NEDD4: variants seen among roughly 807,000 people sequenced by gnomAD.
NEDD4 encodes the protein NEDD4 E3 ubiquitin protein ligase.
Under a neutral mutation model 144.9 loss-of-function variants are expected in NEDD4, and 99 were observed. That is an observed-to-expected ratio of 0.68 (90% CI 0.58 to 0.81). The LOEUF is 0.81. Among genes scored for constraint, NEDD4 ranks in the 30% least tolerant of loss-of-function variants. NEDD4 has a pLI of 0.00. For synonymous variants in NEDD4, 318 were observed against 350.6 expected (o/e 0.91, Z 1.04); for missense variants, 985 against 1,065.9 (o/e 0.92, Z 1.06).
intron 8 of NEDD4, among the ~76,000 whole-genome samples, chr15:55,868,779 T>C (rs2142055117): frequency 6.6e-6 from 1 of 152,318 alleles, no homozygotes; most frequent in Non-Finnish European, 1.5e-5. Context: ...GATAATGTGC[T>C]TTCAAAGGGA....
Position 55,834,312 on chromosome 15 carries a change from T to C in NEDD4, c.2263-26A>G, listed in dbSNP as rs1294417702. On this transcript the variant is annotated intron_variant, in intron 24 of 28. Transcript: ENST00000435532. ...CTAGAAAAAAGATGTATTTAAAAACTTGATGGGCAGGGCCAATGGCCTTTC... is the reference window on the plus strand; with the variant it reads ...CTAGAAAAAAGATGTATTTAAAAACCTGATGGGCAGGGCCAATGGCCTTTC... 5 of 1,507,184 alleles carry C rather than the reference T, an allele frequency of 3.3e-6. No individual in the cohort carries two copies. In the South Asian group the frequency reaches 5.7e-5, roughly 17 times the overall value. 93.4% of individuals were successfully genotyped at this position (1,507,184 alleles called of 1,614,324 possible). A position where few individuals can be genotyped will look rare whatever the true frequency, so the allele number is the denominator to read the frequency against.
chr15:55,911,674 C>G lies in NEDD4; in HGVS notation c.291+12972G>C, dbSNP rs1027005237. ...CCTCCCGTGTAGCTGGGACTACAGG[C>G]GCGCGCCACCATGCCCGGCTAATTT... On this transcript the variant is annotated intron_variant, in intron 5 of 28. Transcript: ENST00000435532. Among the ~76,000 whole-genome samples, 2 of 152,040 alleles carry G rather than the reference C, an allele frequency of 1.3e-5. 1 individual carries two copies. Among genetic ancestry groups the G allele is most frequent in the African/African-American group, 4.8e-5 (2 of 41,492 alleles).
intron 26 of NEDD4, 86 bp from the exon 27 acceptor site, chr15:55,833,190 G>C: frequency 1.2e-6 from 1 of 834,248 alleles, no homozygotes. Flanking sequence ...TCGGAATTTA[G>C]AATATTAATA....
At chr15:55,926,488 G>A (rs764326630) in intron 4 of NEDD4, among the ~76,000 whole-genome samples, 2 of 152,124 alleles carry the variant, frequency 1.3e-5, no homozygotes, top group Admixed American at 6.5e-5. Context: ...GTGTTAAGAC[G>A]GCCGGATGTG....
In NEDD4 at chr15:55,856,269, T is replaced by C. The variant is rs181582256; in HGVS notation, c.961-73A>G. On this transcript the variant is annotated intron_variant, in intron 11 of 28. Transcript: ENST00000435532. ...TGCCTTTGAGTGACAGCTAAGGTAG[T>C]GAGGGTAAATATGACAGGGCAGAAG... 325 of 1,302,452 alleles carry C rather than the reference T, an allele frequency of 2.5e-4. 1 individual carries two copies. In the East Asian group the frequency reaches 7.1e-3, roughly 28 times the overall value. The allele number at this position is 1,302,452 out of a possible 1,614,324, so 80.7% of individuals were successfully genotyped here. A position where few individuals can be genotyped will look rare whatever the true frequency, so the allele number is the denominator to read the frequency against.
At chr15:55,917,526 CAATGAATTAAAACTTTA>C (rs1566951331) in intron 5 of NEDD4, among the ~76,000 whole-genome samples, 8 of 151,474 alleles carry the variant, frequency 5.3e-5, no homozygotes, top group African/African-American at 1.9e-4. Context: ...CAAAACTTTA[CAATGAATTAAAACTTTA>C]GCACTACATC....
At chr15:55,838,754 ATGTG>A in intron 21 of NEDD4, 150 bp from the exon 22 acceptor site, 1 of 541,524 alleles carries the variant, frequency 1.8e-6, no homozygotes, top group Non-Finnish European at 3.2e-6. Context: ...ACAAAAATGT[ATGTG>A]TGTATGTGTG....
Position 55,951,521 on chromosome 15 carries a change from GT to G in NEDD4, c.187del (p.Thr63ProfsTer6). ...NGVLTSVQTK[T>X]IKKSLNPKWN... ...ATTGCTAAGTCTAACCTTTTTAATG[GT>G]TTTTGTTTGCACACTTGTAAGAACT... is the stretch of plus-strand genomic sequence containing the variant. On this transcript the variant is annotated frameshift_variant, in exon 3 of 29. Coordinates refer to ENST00000435532, the MANE Select transcript of NEDD4 (RefSeq NM_006154.4). LOFTEE classifies it high-confidence loss of function. 2 of 1,526,980 alleles carry G rather than the reference GT, an allele frequency of 1.3e-6. No homozygotes were observed. The highest frequency in any genetic ancestry group is 1.3e-5 in the South Asian group (1 of 77,496). The allele number at this position is 1,526,980 out of a possible 1,614,324, so 94.6% of individuals were successfully genotyped here. A position where few individuals can be genotyped will look rare whatever the true frequency, so the allele number is the denominator to read the frequency against.
chr15:55,944,073 G>T (rs1405295264), intron 4 of NEDD4, among the ~76,000 whole-genome samples: 1 of 152,198 alleles, frequency 6.6e-6, no homozygotes, highest in Non-Finnish European at 1.5e-5. Flanking sequence ...TATGATTGAC[G>T]CAGAAGACGG....
intron 11 of NEDD4, among the ~76,000 whole-genome samples, chr15:55,859,089 T>C (rs1372132615): frequency 6.6e-6 from 1 of 152,222 alleles, no homozygotes; most frequent in African/African-American, 2.4e-5. Context: ...GTACTCTGCA[T>C]ATATGTGATC....
chr15:55,951,714 T>A (rs2037244461), intron 2 of NEDD4, 125 bp from the exon 3 acceptor site: 1 of 736,248 alleles, frequency 1.4e-6, no homozygotes, highest in Non-Finnish European at 2.0e-6. Flanking sequence ...TTCCTGAATT[T>A]AAAAGTCAGG....
intron 5 of NEDD4, among the ~76,000 whole-genome samples, chr15:55,911,272 T>C (rs1307579691): frequency 2.0e-5 from 3 of 152,094 alleles, no homozygotes; most frequent in Admixed American, 6.6e-5. Context: ...TTAAATATCC[T>C]ACAGTGCACA....
At position 55,836,331 on chromosome 15, in the gene NEDD4, G is replaced by GACAC. The variant is rs10526731; in HGVS notation, c.2262+1454_2262+1457dup. 7.2e-3 allele frequency among the ~76,000 whole-genome samples: 1,073 copies of GACAC among 148,034 alleles called. 10 individuals are homozygous for GACAC. Among genetic ancestry groups the GACAC allele is most frequent in the East Asian group, 0.017 (85 of 4,950 alleles). Reference sequence around the variant, plus strand: ...ATACTGAATTTATGAAAAAGTATGTGACACACACACACACACACACACACA... The same window carrying GACAC: ...ATACTGAATTTATGAAAAAGTATGTGACACACACACACACACACACACACACACA... On this transcript the variant is annotated intron_variant, in intron 24 of 28. Transcript: ENST00000435532.
intron 13 of NEDD4, among the ~76,000 whole-genome samples, chr15:55,852,077 C>A (rs2034004027): frequency 1.3e-5 from 2 of 151,952 alleles, no homozygotes; most frequent in Non-Finnish European, 2.9e-5. Context: ...GGGTGGATCA[C>A]CTGAGGTCAG....
intron 1 of NEDD4, among the ~76,000 whole-genome samples, chr15:55,970,816 T>C (rs1483433377): frequency 6.6e-6 from 1 of 152,202 alleles, no homozygotes; most frequent in Non-Finnish European, 1.5e-5. Flanking sequence ...TCAAGAAGGA[T>C]GGGTACAAAC....
At chr15:55,937,870 A>T (rs535788980) in intron 4 of NEDD4, among the ~76,000 whole-genome samples, 8 of 152,226 alleles carry the variant, frequency 5.3e-5, no homozygotes, top group Non-Finnish European at 1.2e-4. Context: ...CTTGAGAAAG[A>T]AGAACAAAGC....
At chr15:55,993,198 T>C (rs2038015722) in intron 1 of NEDD4, among the ~76,000 whole-genome samples, 1 of 152,104 alleles carries the variant, frequency 6.6e-6, no homozygotes, top group South Asian at 2.1e-4. Context: ...GGCGCGGTGA[T>C]GTGGGTCCCC....
intron 5 of NEDD4, among the ~76,000 whole-genome samples, chr15:55,875,921 C>G (rs780473336): frequency 7.9e-5 from 12 of 151,996 alleles, no homozygotes; most frequent in Non-Finnish European, 1.6e-4. Context: ...AGTCAGTGAA[C>G]TGAAGCAGGA....
intron 5 of NEDD4, among the ~76,000 whole-genome samples, chr15:55,878,119 C>A (rs1011665406): frequency 6.6e-6 from 1 of 151,982 alleles, no homozygotes; most frequent in East Asian, 1.9e-4. Context: ...AAGAGATGAA[C>A]TTTGAATTCA....
Sources: allele counts gnomAD v4.1 joint callset (sites outside exome capture counted in the v4.1 genomes callset), GRCh38; gene constraint gnomAD v4.1.1; transcripts MANE v1.5; gene names NCBI Gene and HGNC (gene_info 2026-07-23, HGNC 2026-07-21).